Variants in COG5 observed in about 807,000 individuals in gnomAD.
The protein encoded by COG5 is conserved oligomeric Golgi complex subunit 5.
A neutral mutation model predicts 110.4 loss-of-function variants in COG5; 86 were observed. The ratio of observed to expected loss-of-function variants is 0.78; its 90% CI spans 0.65 to 0.93. The LOEUF (loss-of-function observed/expected upper bound fraction) is 0.93, where lower values mean the gene tolerates loss of function less well. COG5 is among the 40% of genes least tolerant of loss of function. The pLI, the probability that COG5 is intolerant of heterozygous loss-of-function variation, is 0.00. For synonymous variants in COG5, 360 were observed against 334.6 expected (o/e 1.08, Z -0.83); for missense variants, 1,077 against 987.0 (o/e 1.09, Z -1.22).
intron 6 of COG5, among the ~76,000 whole-genome samples, chr7:107,429,486 C>G (rs1293905599): frequency 6.7e-6 from 1 of 150,284 alleles, no homozygotes; most frequent in African/African-American, 2.5e-5. Flanking sequence ...GAGATGGGGT[C>G]TTGCTATGTT....
intron 7 of COG5, among the ~76,000 whole-genome samples, chr7:107,386,077 CCTT>C (rs973719741): frequency 1.3e-5 from 2 of 151,462 alleles, no homozygotes; most frequent in South Asian, 2.1e-4. Context: ...GTAAAATAAA[CCTT>C]CTTGGAAGTC....
chr7:107,431,957 A>G (rs532758984), intron 6 of COG5, among the ~76,000 whole-genome samples: 3 of 152,156 alleles, frequency 2.0e-5, no homozygotes, highest in Non-Finnish European at 4.4e-5. Context: ...CCAATCAACA[A>G]TGACTTTTAA....
At chr7:107,281,598 A>C (rs1385968529) in intron 13 of COG5, among the ~76,000 whole-genome samples, 199 bp from the exon 14 acceptor site, 2 of 152,154 alleles carry the variant, frequency 1.3e-5, no homozygotes, top group African/African-American at 4.8e-5. Flanking sequence ...TGGCTTCCTT[A>C]ATGACCAGTT....
chr7:107,521,161 T>C (rs1243136489), intron 6 of COG5, among the ~76,000 whole-genome samples: 1 of 152,150 alleles, frequency 6.6e-6, no homozygotes, highest in Non-Finnish European at 1.5e-5. Flanking sequence ...GATTAAAGAC[T>C]TAAATGTAAA....
intron 19 of COG5, among the ~76,000 whole-genome samples, chr7:107,218,124 T>C (rs1489111467): frequency 1.3e-5 from 2 of 151,968 alleles, no homozygotes; most frequent in Non-Finnish European, 2.9e-5. Flanking sequence ...TAGGAATAAA[T>C]GTACTTAGGA....
intron 11 of COG5, among the ~76,000 whole-genome samples, chr7:107,300,994 C>T (rs1807215539): frequency 6.6e-6 from 1 of 152,052 alleles, no homozygotes; most frequent in South Asian, 2.1e-4. Context: ...AAAATAGACC[C>T]ACACATATCT....
Position 107,412,633 on chromosome 7 carries a change from C to G in COG5, c.539-1G>C, listed in dbSNP as rs764876339. The G allele has an allele frequency of 1.3e-6, 2 of 1,492,392 alleles. No individual in the cohort carries two copies. The highest frequency in any genetic ancestry group is 1.9e-6 in the Non-Finnish European group (2 of 1,074,396). 92.4% of individuals were successfully genotyped at this position (1,492,392 alleles called of 1,614,324 possible). On this transcript the variant is annotated splice_acceptor_variant, in intron 6 of 21. Coordinates refer to ENST00000297135, the MANE Select transcript of COG5 (RefSeq NM_006348.5). LOFTEE classifies it high-confidence loss of function. ...AGATCTATTCCTTGAGAAAGATAATCTGTTTAAAACAAAAACATACACATT... is the reference window on the plus strand; with the variant it reads ...AGATCTATTCCTTGAGAAAGATAATGTGTTTAAAACAAAAACATACACATT...
At chr7:107,478,259 G>C (rs1797107719) in intron 6 of COG5, among the ~76,000 whole-genome samples, 1 of 151,956 alleles carries the variant, frequency 6.6e-6, no homozygotes. Flanking sequence ...CTGAACAAAT[G>C]TTCAAACTTA....
intron 11 of COG5, among the ~76,000 whole-genome samples, chr7:107,322,689 A>C (rs763638593): frequency 2.0e-5 from 3 of 152,202 alleles, no homozygotes; most frequent in Non-Finnish European, 4.4e-5. Context: ...AAGTTAAACA[A>C]CATTTACCAA....
intron 6 of COG5, among the ~76,000 whole-genome samples, chr7:107,510,719 T>C (rs1360583525): frequency 6.6e-6 from 1 of 152,042 alleles, no homozygotes; most frequent in Non-Finnish European, 1.5e-5. Context: ...GCAATCAAAC[T>C]AGAACTCAGG....
chr7:107,333,635 A>G (rs1318350527), intron 10 of COG5, among the ~76,000 whole-genome samples: 1 of 152,226 alleles, frequency 6.6e-6, no homozygotes, highest in African/African-American at 2.4e-5. Flanking sequence ...TTATTAAAAT[A>G]AATACAGATA....
At chr7:107,360,363 G>T (rs1010540763) in intron 10 of COG5, among the ~76,000 whole-genome samples, 1 of 152,170 alleles carries the variant, frequency 6.6e-6, no homozygotes, top group African/African-American at 2.4e-5. Context: ...ATTCTTCTTG[G>T]ATGTGGGACA....
chr7:107,390,178 T>C lies in COG5; in HGVS notation c.670-17418A>G, dbSNP rs1229520606. 3.3e-5 allele frequency among the ~76,000 whole-genome samples: 5 copies of C among 152,348 alleles called. 1 individual carries two copies. The East Asian group carries it at 9.6e-4, about 29-fold the overall frequency. Reference sequence around the variant, plus strand: ...CCTCTGCCCTTGCCACCTTAGAATGTGCCTGTCAGACACCAAAGATTCAGA... The same window carrying C: ...CCTCTGCCCTTGCCACCTTAGAATGCGCCTGTCAGACACCAAAGATTCAGA... On this transcript the variant is annotated intron_variant, in intron 7 of 21. Transcript: ENST00000297135.
intron 13 of COG5, among the ~76,000 whole-genome samples, chr7:107,283,034 C>T (rs960083970): frequency 6.6e-6 from 1 of 152,156 alleles, no homozygotes; most frequent in Non-Finnish European, 1.5e-5. Context: ...CTAAAGCCAA[C>T]AGTATATAAT....
rs188169047 is a variant in COG5, at chr7:107,343,206, C to T, written c.1027-18685G>A. On this transcript the variant is annotated intron_variant, in intron 10 of 21. Transcript: ENST00000297135. ...CATGAAGATGGCAACAAGAGACACT[C>T]GGGTCTACTAGAGGAGGCAAGGAGG... 1.7e-4 allele frequency among the ~76,000 whole-genome samples: 26 copies of T among 152,108 alleles called. No homozygotes were observed. The East Asian group carries it at 2.9e-3, about 17-fold the overall frequency.
At chr7:107,454,703 T>C (rs939436923) in intron 6 of COG5, among the ~76,000 whole-genome samples, 3 of 152,088 alleles carry the variant, frequency 2.0e-5, no homozygotes, top group African/African-American at 7.2e-5. Flanking sequence ...CAAACCACTA[T>C]CAAGGAGAGG....
chr7:107,298,052 A>T (rs1806908688), intron 12 of COG5, 90 bp downstream of exon 12: 1 of 570,084 alleles, frequency 1.8e-6, no homozygotes, highest in Non-Finnish European at 2.7e-6. Context: ...TATATACTTA[A>T]TTTATAATTT....
At chr7:107,415,916 G>A (rs1354721132) in intron 6 of COG5, among the ~76,000 whole-genome samples, 1 of 111,696 alleles carries the variant, frequency 9.0e-6, no homozygotes, top group Non-Finnish European at 2.0e-5. Context: ...GTATGTATGT[G>A]TGTGTATATA....
At position 107,548,156 on chromosome 7, in the gene COG5, T is replaced by C. The variant is rs1212076971; in HGVS notation, c.372A>G (p.Pro124=). Residue 124 remains proline (P), a synonymous_variant, in exon 5 of 22, where the codon CCA becomes CCG. Transcript: ENST00000297135. ...CAGTCCGGGCAACTATCTTATTGTA[T>C]GGTTCAACAATTTTTGCTTTTATCC... ...VDRIKAKIVE[P]YNKIVARTAQ... is the part of the protein sequence containing the mutation. 15 of 1,613,840 alleles carry C rather than the reference T, an allele frequency of 9.3e-6. No homozygotes were observed. The highest frequency in any genetic ancestry group is 3.3e-5 in the Admixed American group (2 of 60,006).
Sources: gnomAD v4.1 joint callset for allele counts (sites outside exome capture counted in the v4.1 genomes callset) on GRCh38, gnomAD v4.1.1 for gene constraint, MANE v1.5 for transcripts, NCBI Gene and HGNC (gene_info 2026-07-23, HGNC 2026-07-21) for gene names.